Variants in PEX5L observed in about 807,000 individuals in gnomAD.
PEX5L encodes peroxisomal biogenesis factor 5 like.
In PEX5L, 30 loss-of-function variants were observed where a neutral mutation model predicts 84.0. The observed-to-expected ratio is 0.36, with a 90% CI of 0.27 to 0.48. The LOEUF (loss-of-function observed/expected upper bound fraction) is 0.48, where lower values mean the gene tolerates loss of function less well. Among genes scored for constraint, PEX5L ranks in the 20% least tolerant of loss-of-function variants. The probability of loss-of-function intolerance (pLI) is 0.99; values close to 1 mark genes in which losing one functional copy is unlikely to be tolerated. For missense variants in PEX5L, 533 were observed against 754.6 expected (o/e 0.71, Z 3.44); for synonymous variants, 270 against 283.1 (o/e 0.95, Z 0.46).
At chr3:179,857,899 C>T (rs1744610706) in intron 8 of PEX5L, among the ~76,000 whole-genome samples, 1 of 152,092 alleles carries the variant, frequency 6.6e-6, no homozygotes, top group Non-Finnish European at 1.5e-5. Context: ...TTCAAGAGCA[C>T]TAAATATTCA....
intron 5 of PEX5L, among the ~76,000 whole-genome samples, chr3:179,876,112 T>C (rs544242148): frequency 6.6e-6 from 1 of 152,244 alleles, no homozygotes; most frequent in South Asian, 2.1e-4. Context: ...TTCTTACAGA[T>C]AAAAAATCTG....
intron 11 of PEX5L, among the ~76,000 whole-genome samples, chr3:179,811,405 C>T (rs72622571): frequency 0.16 from 23,962 of 152,012 alleles, 2,008 homozygotes; most frequent in South Asian, 0.2. Context: ...TTACACACAC[C>T]CACTGTTCCC....
At chr3:180,027,686 T>G (rs1791092414) in intron 1 of PEX5L, among the ~76,000 whole-genome samples, 1 of 152,234 alleles carries the variant, frequency 6.6e-6, no homozygotes, top group African/African-American at 2.4e-5. Flanking sequence ...ATATGAGTTC[T>G]GGTCAATAGT....
At chr3:179,861,487 G>T (rs1746106704) in intron 7 of PEX5L, among the ~76,000 whole-genome samples, 1 of 152,242 alleles carries the variant, frequency 6.6e-6, no homozygotes, top group Non-Finnish European at 1.5e-5. Flanking sequence ...AGGCAGCACA[G>T]GGGTGAGGCG....
intron 8 of PEX5L, among the ~76,000 whole-genome samples, chr3:179,823,916 C>A (rs1029723910): frequency 3.3e-5 from 5 of 151,910 alleles, no homozygotes; most frequent in Non-Finnish European, 2.9e-5. Context: ...TTTAAAGGGG[C>A]CTTCTAGTCT....
intron 2 of PEX5L, among the ~76,000 whole-genome samples, chr3:179,967,454 C>A (rs1403544446): frequency 2.0e-5 from 3 of 152,090 alleles, no homozygotes; most frequent in African/African-American, 7.2e-5. Context: ...CTCAGAGAAA[C>A]TCTAGGAGGT....
chr3:179,847,761 C>T (rs1740152434), intron 8 of PEX5L, among the ~76,000 whole-genome samples: 1 of 152,048 alleles, frequency 6.6e-6, no homozygotes. Context: ...TGCCCAGGTG[C>T]AACAAACAGG....
At chr3:179,985,623 T>G (rs1168593605) in intron 1 of PEX5L, among the ~76,000 whole-genome samples, 1 of 151,988 alleles carries the variant, frequency 6.6e-6, no homozygotes, top group Non-Finnish European at 1.5e-5. Flanking sequence ...TAAAAACCCT[T>G]GAGAATCCAA....
intron 8 of PEX5L, among the ~76,000 whole-genome samples, chr3:179,842,209 G>T (rs1737581010): frequency 6.6e-6 from 1 of 152,202 alleles, no homozygotes; most frequent in African/African-American, 2.4e-5. Flanking sequence ...GTGTAACACA[G>T]CTGTGATGTG....
chr3:179,998,246 T>A (rs1373043028), intron 1 of PEX5L, among the ~76,000 whole-genome samples: 1 of 152,238 alleles, frequency 6.6e-6, no homozygotes, highest in Non-Finnish European at 1.5e-5. Context: ...TTAGTGGGCC[T>A]ATCTGGATTT....
chr3:179,864,732 G>A (rs1410313303), intron 7 of PEX5L, among the ~76,000 whole-genome samples: 1 of 152,060 alleles, frequency 6.6e-6, no homozygotes, highest in East Asian at 1.9e-4. Flanking sequence ...ATGTTAATTA[G>A]CTCAACTGAG....
chr3:179,967,446 C>A (rs571595753), intron 2 of PEX5L, among the ~76,000 whole-genome samples: 8 of 152,210 alleles, frequency 5.3e-5, no homozygotes, highest in African/African-American at 1.9e-4. Flanking sequence ...TATTTTAACT[C>A]AGAGAAACTC....
intron 10 of PEX5L, among the ~76,000 whole-genome samples, chr3:179,813,275 A>G (rs1724596901): frequency 2.0e-5 from 3 of 152,090 alleles, no homozygotes; most frequent in African/African-American, 7.2e-5. Context: ...CTTGTCTGGA[A>G]TTTGTTAGTT....
chr3:179,861,485 CA>C (rs1746105513), intron 7 of PEX5L, among the ~76,000 whole-genome samples: 1 of 152,188 alleles, frequency 6.6e-6, no homozygotes, highest in Admixed American at 6.5e-5. Flanking sequence ...GCAGGCAGCA[CA>C]GGGGTGAGGC....
At chr3:179,867,894 C>T (rs575289392) in intron 7 of PEX5L, among the ~76,000 whole-genome samples, 1 of 152,034 alleles carries the variant, frequency 6.6e-6, no homozygotes, top group East Asian at 1.9e-4. Context: ...TCATATCAAC[C>T]CTGTAAAAGT....
chr3:179,963,491 T>C (rs996983621), intron 2 of PEX5L, among the ~76,000 whole-genome samples: 3 of 152,106 alleles, frequency 2.0e-5, no homozygotes, highest in African/African-American at 4.8e-5. Flanking sequence ...TAATTTTCAA[T>C]GGGGAAAGTG....
chr3:179,805,677 A>T (rs1303780956), intron 14 of PEX5L, among the ~76,000 whole-genome samples: 1 of 152,144 alleles, frequency 6.6e-6, no homozygotes, highest in Non-Finnish European at 1.5e-5. Context: ...CTAAAAACTT[A>T]TTTGTTGTTT....
chr3:179,906,905 T>C (rs1392387581), intron 2 of PEX5L, among the ~76,000 whole-genome samples: 1 of 152,004 alleles, frequency 6.6e-6, no homozygotes, highest in Non-Finnish European at 1.5e-5. Flanking sequence ...ATCATCAACA[T>C]AGGTAGTTGC....
intron 2 of PEX5L, among the ~76,000 whole-genome samples, chr3:179,913,066 T>C (rs1187038763): frequency 1.3e-5 from 2 of 152,162 alleles, no homozygotes; most frequent in Admixed American, 6.5e-5. Flanking sequence ...GAAAAGGTGT[T>C]TTGTTCCCTT....
Sources: allele counts gnomAD v4.1 joint callset (sites outside exome capture counted in the v4.1 genomes callset), GRCh38; gene constraint gnomAD v4.1.1; transcripts MANE v1.5; gene names NCBI Gene and HGNC (gene_info 2026-07-23, HGNC 2026-07-21).